GLYAT: variants seen among roughly 807,000 people sequenced by gnomAD.
The protein encoded by GLYAT is glycine-N-acyltransferase.
A neutral mutation model predicts 22.8 loss-of-function variants in GLYAT; 25 were observed. That is an observed-to-expected ratio of 1.09 (90% confidence interval 0.80 to 1.53). The LOEUF (loss-of-function observed/expected upper bound fraction) is 1.53. Among genes scored for constraint, GLYAT ranks in the 40% most tolerant of loss-of-function variants. The probability of loss-of-function intolerance (pLI) is 0.00; values close to 1 mark genes in which losing one functional copy is unlikely to be tolerated. For missense variants in GLYAT, 411 were observed against 353.9 expected (o/e 1.16, Z -1.29); for synonymous variants, 140 against 122.7 (o/e 1.14, Z -0.93).
At chr11:58,711,184 A>G (rs944468410) in intron 4 of GLYAT, among the ~76,000 whole-genome samples, 4 of 152,314 alleles carry the variant, frequency 2.6e-5, no homozygotes, top group Admixed American at 6.5e-5. Context: ...CTTTCTCAGC[A>G]TTCCACAAGT....
chr11:58,710,676 A>G lies in GLYAT; in HGVS notation c.402T>C (p.Tyr134=). 1 of 1,613,002 alleles carries G rather than the reference A, an allele frequency of 6.2e-7. No homozygotes were observed. Among genetic ancestry groups the G allele is most frequent in the Non-Finnish European group, 8.5e-7 (1 of 1,179,014 alleles). ...FKVKQTQRIL[Y]MAAETAKELT... is the part of the protein sequence containing the mutation. ...GTTCCTTGGCTGTTTCAGCTGCCAT[A>G]TAGAGAATGCGTTGTGTTTGTTTGA... Residue 134 remains tyrosine, a synonymous_variant, in exon 5 of 6, where the codon TAT becomes TAC. Coordinates refer to ENST00000344743, the MANE Select transcript of GLYAT (RefSeq NM_201648.3).
chr11:58,723,091 C>T lies in GLYAT; in HGVS notation c.81+1325G>A, dbSNP rs866671268. Among the ~76,000 whole-genome samples the T allele has an allele frequency of 4.6e-5, 7 of 152,110 alleles. No homozygotes were observed. The South Asian group carries it at 1.0e-3, about 23-fold the overall frequency. ...GTTTTCTCAAAATGTTTAGGATCCA[C>T]TTAACACAAGGAATAAGGAGAAATT... On this transcript the variant is annotated intron_variant, in intron 2 of 5. Coordinates refer to ENST00000344743, the MANE Select transcript of GLYAT (RefSeq NM_201648.3).
In GLYAT at chr11:58,712,861, T is replaced by C. The variant is rs1231191262; in HGVS notation, c.215A>G (p.Tyr72Cys). The change falls in exon 4 of 6, where the codon TAT becomes TGT. Residue 72 changes from tyrosine (Y) to cysteine (C), a missense_variant. Physicochemically the swap from Tyr to Cys is radical, Grantham distance 194. Transcript: ENST00000344743. ...GGAGTAGATTTGGTAAGTATTGGTA[T>C]AGTGATCAAGGTCATCTGTCATATC... ...EQDMTDDLDH[Y>C]TNTYQIYSKD... 1 of 1,605,514 alleles carries C rather than the reference T, an allele frequency of 6.2e-7. No individual in the cohort carries two copies. The highest frequency in any genetic ancestry group is 1.1e-5 in the South Asian group (1 of 90,920).
chr11:58,723,184 G>T (rs1047890995), intron 2 of GLYAT, among the ~76,000 whole-genome samples: 1 of 151,730 alleles, frequency 6.6e-6, no homozygotes, highest in Non-Finnish European at 1.5e-5. Context: ...TTTAAGAGTA[G>T]CCACTAATCA....
chr11:58,723,578 A>G (rs1471035311), intron 2 of GLYAT, among the ~76,000 whole-genome samples: 1 of 152,104 alleles, frequency 6.6e-6, no homozygotes, highest in African/African-American at 2.4e-5. Flanking sequence ...TGTATGCACT[A>G]TATAGGAATG....
In GLYAT at chr11:58,728,053, CTTTTTTTTTTTT is replaced by C. The variant is rs1173955703; in HGVS notation, c.-15-3554_-15-3543del. On this transcript the variant is annotated intron_variant, in intron 1 of 5. Transcript: ENST00000344743. ...AGTTCTTTTCCTTCTTGCTCTAAAG[CTTTTTTTTTTTT>C]TTTTTTTTTTTTTTTGAGTCACAGT... Among the ~76,000 whole-genome samples the C allele has an allele frequency of 1.5e-3, 101 of 68,678 alleles. 2 individuals are homozygous for C. The highest frequency in any genetic ancestry group is 6.3e-3 in the African/African-American group (93 of 14,758). 45.1% of individuals were successfully genotyped at this position (68,678 alleles called of 152,430 possible). A position where few individuals can be genotyped will look rare whatever the true frequency, so the allele number is the denominator to read the frequency against.
intron 1 of GLYAT, among the ~76,000 whole-genome samples, chr11:58,729,426 T>A (rs1047752722): frequency 4.6e-5 from 7 of 152,322 alleles, no homozygotes; most frequent in Middle Eastern, 3.4e-3. Context: ...ATAAATATCG[T>A]ATATATTTAT....
chr11:58,711,445 T>A (rs1376876173), intron 4 of GLYAT, among the ~76,000 whole-genome samples: 1 of 152,152 alleles, frequency 6.6e-6, no homozygotes, highest in African/African-American at 2.4e-5. Flanking sequence ...TAAATTTATG[T>A]TCAAGTGCTA....
intron 3 of GLYAT, among the ~76,000 whole-genome samples, chr11:58,714,750 C>G (rs1039699293): frequency 6.6e-6 from 1 of 152,092 alleles, no homozygotes; most frequent in Admixed American, 6.6e-5. Context: ...TGTTTGCTTC[C>G]CCTTCTGTCA....
At chr11:58,725,739 G>A (rs591121) in intron 1 of GLYAT, among the ~76,000 whole-genome samples, 111,405 of 151,612 alleles carry the variant, frequency 0.73, 41,527 homozygotes, top group Middle Eastern at 0.9. Flanking sequence ...GGCGACCTGA[G>A]AGATCAAGTG....
rs1032219670 is a variant in GLYAT at position 58,709,133 on chromosome 11, A to G, written c.*633T>C. ...GTGGGTTTTGGAAGCTCATCTTTAGAAAAAACATTGGATCTTTTTTCCTGG... is the reference window on the plus strand; with the variant it reads ...GTGGGTTTTGGAAGCTCATCTTTAGGAAAAACATTGGATCTTTTTTCCTGG... On this transcript the variant is annotated 3_prime_UTR_variant, in exon 6 of 6. Coordinates refer to ENST00000344743, the MANE Select transcript of GLYAT (RefSeq NM_201648.3). 1 of 152,220 alleles carries G rather than the reference A, an allele frequency of 6.6e-6. No homozygotes were observed. The highest frequency in any genetic ancestry group is 1.5e-5 in the Non-Finnish European group (1 of 68,048). 9.4% of individuals were successfully genotyped at this position (152,220 alleles called of 1,614,324 possible). A position where few individuals can be genotyped will look rare whatever the true frequency, so the allele number is the denominator to read the frequency against.
intron 5 of GLYAT, 74 bp from the exon 6 acceptor site, chr11:58,710,242 GA>G: frequency 4.6e-6 from 7 of 1,517,382 alleles, no homozygotes; most frequent in Non-Finnish European, 6.2e-6. Context: ...CTATTGTCTT[GA>G]GAGACAGAGT....
chr11:58,728,880 AAG>A (rs1491328097), intron 1 of GLYAT, among the ~76,000 whole-genome samples: 2 of 123,840 alleles, frequency 1.6e-5, no homozygotes, highest in African/African-American at 6.4e-5. Context: ...GAAAGAAAGA[AAG>A]AAAGAAAGAA....
chr11:58,729,279 T>C (rs1190293413), intron 1 of GLYAT, among the ~76,000 whole-genome samples: 2 of 152,204 alleles, frequency 1.3e-5, no homozygotes, highest in Non-Finnish European at 2.9e-5. Flanking sequence ...GAATAGCCTG[T>C]TATCCCTAGT....
At position 58,709,624 on chromosome 11, in the gene GLYAT, A is replaced by G; in HGVS notation, c.*142T>C. On this transcript the variant is annotated 3_prime_UTR_variant, in exon 6 of 6. Transcript: ENST00000344743. ...GCAGGGACCATGGCGATGCTGTTGAACATCACACTGCTTCCCCAGAGTCCA... is the reference window on the plus strand; with the variant it reads ...GCAGGGACCATGGCGATGCTGTTGAGCATCACACTGCTTCCCCAGAGTCCA... The G allele has an allele frequency of 1.2e-6, 1 of 828,258 alleles. No homozygotes were observed. The highest frequency in any genetic ancestry group is 1.9e-6 in the Non-Finnish European group (1 of 534,036). The allele number at this position is 828,258 out of a possible 1,614,324, so 51.3% of individuals were successfully genotyped here.
chr11:58,712,348 A>G (rs765657584), intron 4 of GLYAT, among the ~76,000 whole-genome samples: 2 of 152,166 alleles, frequency 1.3e-5, no homozygotes, highest in Non-Finnish European at 2.9e-5. Context: ...GGCAAATGCC[A>G]TCCTAGAGAA....
At chr11:58,712,941 T>A in intron 3 of GLYAT, 55 bp from the exon 4 acceptor site, 1 of 1,147,786 alleles carries the variant, frequency 8.7e-7, no homozygotes, top group East Asian at 2.5e-5. Flanking sequence ...TATGATTACA[T>A]ATAATTTTAT....
At chr11:58,718,966 A>G (rs1267784853) in intron 2 of GLYAT, among the ~76,000 whole-genome samples, 7 of 152,014 alleles carry the variant, frequency 4.6e-5, no homozygotes, top group Non-Finnish European at 1.0e-4. Context: ...TTATACAAAG[A>G]CAGCCCAAAG....
At chr11:58,712,028 G>T (rs1017457339) in intron 4 of GLYAT, among the ~76,000 whole-genome samples, 1 of 152,186 alleles carries the variant, frequency 6.6e-6, no homozygotes, top group Non-Finnish European at 1.5e-5. Context: ...TGTGAGTGAG[G>T]CCGTGTAAGA....
Sources: allele counts gnomAD v4.1 joint callset (sites outside exome capture counted in the v4.1 genomes callset), GRCh38; gene constraint gnomAD v4.1.1; transcripts MANE v1.5; gene names NCBI Gene and HGNC (gene_info 2026-07-23, HGNC 2026-07-21).